PTN: variants seen among roughly 807,000 people sequenced by gnomAD.
PTN encodes heparin affin regulatory protein.
Under a neutral mutation model 24.1 loss-of-function variants are expected in PTN, and 18 were observed. The ratio of observed to expected loss-of-function variants is 0.75; its 90% CI spans 0.52 to 1.11. PTN has a LOEUF of 1.11. Among genes scored for constraint, PTN ranks in the 50% least tolerant of loss-of-function variants. The pLI is 0.00. For synonymous variants in PTN, 78 were observed against 68.6 expected, an observed-to-expected ratio of 1.14 and a Z score of -0.67; for missense variants, 163 against 198.8, an observed-to-expected ratio of 0.82 and a Z score of 1.08.
chr7:137,236,070 AT>A (rs1392208283), intron 4 of PTN: 2 of 654,690 alleles, frequency 3.1e-6, no homozygotes, highest in East Asian at 2.7e-5. Context: ...TGAAGATGAA[AT>A]TACTTCATCA....
At chr7:137,309,247 T>C (rs548884543) in intron 1 of PTN, among the ~76,000 whole-genome samples, 23 of 152,350 alleles carry the variant, frequency 1.5e-4, no homozygotes, top group African/African-American at 5.5e-4. Flanking sequence ...AAGTGTGCAA[T>C]AGCAGTATGT....
At chr7:137,263,942 C>T (rs1182536079) in intron 1 of PTN, among the ~76,000 whole-genome samples, 1 of 152,122 alleles carries the variant, frequency 6.6e-6, no homozygotes, top group South Asian at 2.1e-4. Context: ...GTTTTGAACT[C>T]CACCACGTAA....
At chr7:137,268,967 T>A (rs1809215222) in intron 1 of PTN, among the ~76,000 whole-genome samples, 1 of 152,238 alleles carries the variant, frequency 6.6e-6, no homozygotes, top group Non-Finnish European at 1.5e-5. Context: ...TTTGAAACTG[T>A]AGGTTACAAA....
intron 1 of PTN, among the ~76,000 whole-genome samples, chr7:137,318,027 G>T (rs529435818): frequency 6.6e-6 from 1 of 152,306 alleles, no homozygotes; most frequent in Non-Finnish European, 1.5e-5. Flanking sequence ...AGCACTTTGG[G>T]AGGCCAAGGT....
At position 137,282,392 on chromosome 7, in the gene PTN, T is replaced by C. The variant is rs191765283; in HGVS notation, c.-1-27418A>G. Among the ~76,000 whole-genome samples, 34 of 152,290 alleles carry C rather than the reference T, an allele frequency of 2.2e-4. No homozygotes were observed. The East Asian group carries it at 2.5e-3, about 11-fold the overall frequency. ...TGTAGCATAATCTTATACAAATAGA[T>C]GACTTTATTATTTTTAAATAGATGA... On this transcript the variant is annotated intron_variant, in intron 1 of 4. Coordinates refer to ENST00000348225, the MANE Select transcript of PTN (RefSeq NM_002825.7).
At chr7:137,292,724 G>T (rs964173727) in intron 1 of PTN, among the ~76,000 whole-genome samples, 1 of 152,120 alleles carries the variant, frequency 6.6e-6, no homozygotes, top group African/African-American at 2.4e-5. Context: ...AAGAACAAAA[G>T]TCTGTACATG....
chr7:137,320,224 C>T (rs1272497702), intron 1 of PTN, among the ~76,000 whole-genome samples: 1 of 152,192 alleles, frequency 6.6e-6, no homozygotes, highest in African/African-American at 2.4e-5. Context: ...CACCATAATT[C>T]GCCCACACAT....
At chr7:137,258,841 G>A (rs1486759039) in intron 1 of PTN, among the ~76,000 whole-genome samples, 2 of 152,096 alleles carry the variant, frequency 1.3e-5, no homozygotes, top group Non-Finnish European at 2.9e-5. Context: ...CAGACTGAGT[G>A]CCAAATGAGA....
intron 1 of PTN, among the ~76,000 whole-genome samples, chr7:137,316,766 A>G (rs1810079317): frequency 6.6e-6 from 1 of 152,162 alleles, no homozygotes. Flanking sequence ...TTACCTTTCC[A>G]GCAAATTAGC....
At chr7:137,309,461 G>T (rs322344) in intron 1 of PTN, among the ~76,000 whole-genome samples, 335 of 151,976 alleles carry the variant, frequency 2.2e-3, no homozygotes, top group Non-Finnish European at 4.0e-3. Context: ...AATGAAGTTT[G>T]TCACATCAAT....
chr7:137,254,755 G>T, intron 2 of PTN, 104 bp downstream of exon 2: 2 of 641,000 alleles, frequency 3.1e-6, no homozygotes, highest in Non-Finnish European at 4.8e-6. Flanking sequence ...TAGAGGAATA[G>T]GAAGGGAGAG....
At chr7:137,237,799 T>C (rs1026664660) in intron 4 of PTN, among the ~76,000 whole-genome samples, 4 of 152,184 alleles carry the variant, frequency 2.6e-5, no homozygotes, top group Non-Finnish European at 5.9e-5. Context: ...CTCTATACTT[T>C]ACATGTTTTT....
Position 137,329,594 on chromosome 7 carries a change from C to T in PTN, c.-2+13845G>A, listed in dbSNP as rs115096561. ...GAGCAGAAGAAAAAAGCAGGAGATG[C>T]CAAAGAAAATGATTACTCATGTCAC... is the stretch of plus-strand genomic sequence containing the variant. On this transcript the variant is annotated intron_variant, in intron 1 of 4. Coordinates refer to ENST00000348225, the MANE Select transcript of PTN (RefSeq NM_002825.7). 2.1e-3 allele frequency among the ~76,000 whole-genome samples: 321 copies of T among 152,182 alleles called. 3 individuals are homozygous for T. The highest frequency in any genetic ancestry group is 7.3e-3 in the African/African-American group (305 of 41,514).
chr7:137,337,411 T>C (rs187659584), intron 1 of PTN, among the ~76,000 whole-genome samples: 44 of 152,294 alleles, frequency 2.9e-4, no homozygotes, highest in African/African-American at 9.6e-4. Context: ...CATTTCTGTA[T>C]CAATTTTTTA....
At chr7:137,284,210 C>T (rs1387385355) in intron 1 of PTN, among the ~76,000 whole-genome samples, 2 of 151,796 alleles carry the variant, frequency 1.3e-5, no homozygotes, top group African/African-American at 4.8e-5. Context: ...CCCGCCTCGG[C>T]CTCCCAAAGT....
chr7:137,283,192 C>T (rs1160182276), intron 1 of PTN, among the ~76,000 whole-genome samples: 1 of 152,108 alleles, frequency 6.6e-6, no homozygotes, highest in Non-Finnish European at 1.5e-5. Flanking sequence ...CTTGGTTTAG[C>T]TGGCAAAAAA....
At chr7:137,247,644 G>A (rs536567482) in intron 4 of PTN, among the ~76,000 whole-genome samples, 60 of 152,216 alleles carry the variant, frequency 3.9e-4, no homozygotes, top group African/African-American at 1.1e-3. Context: ...TTAAAATAAC[G>A]CAAAGAGTGT....
At chr7:137,245,956 T>C (rs1808716098) in intron 4 of PTN, among the ~76,000 whole-genome samples, 1 of 152,236 alleles carries the variant, frequency 6.6e-6, no homozygotes, top group Non-Finnish European at 1.5e-5. Context: ...GTTTATAAAC[T>C]AAAATAGTTA....
intron 1 of PTN, among the ~76,000 whole-genome samples, chr7:137,331,674 C>T (rs1810362131): frequency 6.6e-6 from 1 of 152,224 alleles, no homozygotes; most frequent in Admixed American, 6.5e-5. Context: ...GGCCCACTCC[C>T]TTGGGCCTCA....
Sources: gnomAD v4.1 joint callset for allele counts (sites outside exome capture counted in the v4.1 genomes callset) on GRCh38, gnomAD v4.1.1 for gene constraint, MANE v1.5 for transcripts, NCBI Gene and HGNC (gene_info 2026-07-23, HGNC 2026-07-21) for gene names.